Variants in ADARB2 observed in about 807,000 individuals in gnomAD.
The protein encoded by ADARB2 is adenosine deaminase RNA specific B2 (inactive).
A neutral mutation model predicts 62.2 loss-of-function variants in ADARB2; 25 were observed. The observed-to-expected ratio is 0.40, with a 90% CI of 0.29 to 0.56. The LOEUF (loss-of-function observed/expected upper bound fraction) is 0.56. Ranked by LOEUF, ADARB2 falls within the 20% of genes least tolerant of loss-of-function variation. ADARB2 has a pLI of 0.43. For synonymous variants in ADARB2, 572 were observed against 500.8 expected (o/e 1.14, Z -1.90); for missense variants, 1,071 against 1,077.4 (o/e 0.99, Z 0.08).
At chr10:1,479,677 C>T (rs1831443766) in intron 1 of ADARB2, among the ~76,000 whole-genome samples, 1 of 152,192 alleles carries the variant, frequency 6.6e-6, no homozygotes, top group Non-Finnish European at 1.5e-5. Flanking sequence ...CAACATGTAA[C>T]TGGTTTCCAC....
At chr10:1,187,070 C>T (rs1836769004) in intron 8 of ADARB2, among the ~76,000 whole-genome samples, 1 of 152,264 alleles carries the variant, frequency 6.6e-6, no homozygotes, top group African/African-American at 2.4e-5. Flanking sequence ...CTTCGAAAGT[C>T]ACCTGGTGAG....
rs572702518 is a variant in ADARB2 at position 1,614,992 on chromosome 10, A to G, written c.100+122059T>C. ...CAGGGGTTTATGGCTCTTTCTTCTCATTGTTGGGGAGGAGCTCATGGGCCC... is the reference window on the plus strand; with the variant it reads ...CAGGGGTTTATGGCTCTTTCTTCTCGTTGTTGGGGAGGAGCTCATGGGCCC... On this transcript the variant is annotated intron_variant, in intron 1 of 9. Transcript: ENST00000381312. Among the ~76,000 whole-genome samples, 12 of 151,994 alleles carry G rather than the reference A, an allele frequency of 7.9e-5. No individual in the cohort carries two copies. The South Asian group carries it at 2.5e-3, about 32-fold the overall frequency.
intron 6 of ADARB2, among the ~76,000 whole-genome samples, chr10:1,218,303 C>T (rs10903408): frequency 2.0e-5 from 3 of 151,898 alleles, no homozygotes; most frequent in East Asian, 1.9e-4. Flanking sequence ...CGCCCACCTC[C>T]GCCTCCCAAA....
At chr10:1,675,352 G>T (rs369399129) in intron 1 of ADARB2, 4 of 957,688 alleles carry the variant, frequency 4.2e-6, no homozygotes, top group African/African-American at 2.0e-5. Context: ...GTTTGGGGGT[G>T]CATGGATGTT....
At chr10:1,201,889 C>T (rs889445396) in intron 7 of ADARB2, among the ~76,000 whole-genome samples, 19 of 147,750 alleles carry the variant, frequency 1.3e-4, no homozygotes, top group Admixed American at 1.4e-4. Context: ...GCCTGGATCT[C>T]GGATGGTGGG....
At chr10:1,336,944 A>G (rs1589196371) in intron 3 of ADARB2, among the ~76,000 whole-genome samples, 1 of 152,106 alleles carries the variant, frequency 6.6e-6, no homozygotes, top group East Asian at 1.9e-4. Flanking sequence ...CAGAGTACAC[A>G]GCTCTGCCAC....
intron 1 of ADARB2, among the ~76,000 whole-genome samples, chr10:1,676,539 A>G (rs1275932610): frequency 6.6e-6 from 1 of 152,040 alleles, no homozygotes; most frequent in East Asian, 1.9e-4. Context: ...CTTCATTTTT[A>G]TTTTTGAGAT....
intron 1 of ADARB2, among the ~76,000 whole-genome samples, chr10:1,667,295 T>C (rs1338060998): frequency 5.3e-5 from 8 of 152,232 alleles, no homozygotes; most frequent in East Asian, 1.9e-4. Context: ...CTGAATCATA[T>C]GTTTTATGAG....
intron 1 of ADARB2, chr10:1,526,658 T>C (rs1588288109): frequency 3.0e-5 from 7 of 236,502 alleles, no homozygotes; most frequent in South Asian, 2.5e-4. Context: ...CAGATGCTGG[T>C]GCCACGCTTC....
intron 6 of ADARB2, among the ~76,000 whole-genome samples, chr10:1,228,163 AG>A (rs1830765119): frequency 1.3e-5 from 2 of 152,234 alleles, no homozygotes; most frequent in South Asian, 4.1e-4. Flanking sequence ...CAAACGTACT[AG>A]GCTCATAGCA....
chr10:1,356,949 C>A (rs76300637), intron 3 of ADARB2, among the ~76,000 whole-genome samples: 2 of 152,216 alleles, frequency 1.3e-5, no homozygotes, highest in Admixed American at 1.3e-4. Context: ...ACCTTTGCCA[C>A]GACAGAAATG....
chr10:1,599,757 T>C (rs1833383871), intron 1 of ADARB2, among the ~76,000 whole-genome samples: 1 of 152,132 alleles, frequency 6.6e-6, no homozygotes, highest in Non-Finnish European at 1.5e-5. Context: ...TTTTCTCTTT[T>C]TGAGACAGGG....
chr10:1,365,098 C>T (rs1303822732), intron 2 of ADARB2, among the ~76,000 whole-genome samples: 4 of 152,094 alleles, frequency 2.6e-5, no homozygotes. Context: ...TCTCGAACTC[C>T]TGACCTCAGG....
chr10:1,737,357 C>G lies in ADARB2; in HGVS notation c.-207G>C. The G allele has an allele frequency of 3.6e-6, 2 of 551,884 alleles. No individual in the cohort carries two copies. Among genetic ancestry groups the G allele is most frequent in the Non-Finnish European group, 3.2e-6 (1 of 312,540 alleles). The allele number at this position is 551,884 out of a possible 1,614,324, so 34.2% of individuals were successfully genotyped here. A position where few individuals can be genotyped will look rare whatever the true frequency, so the allele number is the denominator to read the frequency against. ...GACTTGCTCCCACTGGGCTGGGGGC[C>G]TCGGCTGGGCGCCTGGAGCGAGCTG... is the stretch of plus-strand genomic sequence containing the variant. On this transcript the variant is annotated 5_prime_UTR_variant, in exon 1 of 10. Coordinates refer to ENST00000381312, the MANE Select transcript of ADARB2 (RefSeq NM_018702.4).
At chr10:1,415,876 C>A (rs1040770308) in intron 1 of ADARB2, among the ~76,000 whole-genome samples, 8 of 152,190 alleles carry the variant, frequency 5.3e-5, no homozygotes, top group African/African-American at 1.7e-4. Context: ...TAGTGTCTCT[C>A]TTCTCTGAGC....
At chr10:1,651,730 G>A (rs1449209483) in intron 1 of ADARB2, among the ~76,000 whole-genome samples, 1 of 152,126 alleles carries the variant, frequency 6.6e-6, no homozygotes, top group Admixed American at 6.5e-5. Context: ...CTGCCTGAGC[G>A]TGGTGGGCGT....
intron 1 of ADARB2, among the ~76,000 whole-genome samples, chr10:1,465,432 G>A (rs891580588): frequency 6.6e-6 from 1 of 152,188 alleles, no homozygotes; most frequent in African/African-American, 2.4e-5. Flanking sequence ...GGAAAACATC[G>A]AAGGAGTGCT....
intron 1 of ADARB2, among the ~76,000 whole-genome samples, chr10:1,465,791 G>A (rs1028975111): frequency 3.9e-5 from 6 of 152,142 alleles, no homozygotes; most frequent in African/African-American, 1.2e-4. Flanking sequence ...TCCCACCCCC[G>A]CCCGAAGAGT....
At chr10:1,346,364 G>T (rs1489984712) in intron 3 of ADARB2, among the ~76,000 whole-genome samples, 1 of 152,194 alleles carries the variant, frequency 6.6e-6, no homozygotes, top group Non-Finnish European at 1.5e-5. Context: ...CAGCCCCTCA[G>T]TTCCTGCCCC....
Sources: allele counts gnomAD v4.1 joint callset (sites outside exome capture counted in the v4.1 genomes callset), GRCh38; gene constraint gnomAD v4.1.1; transcripts MANE v1.5; gene names NCBI Gene and HGNC (gene_info 2026-07-23, HGNC 2026-07-21).